The following ITGA8 variants were observed in gnomAD, a reference collection of about 807,000 sequenced individuals.
ITGA8 encodes integrin alpha-8.
A neutral mutation model predicts 142.3 loss-of-function variants in ITGA8; 91 were observed. The ratio of observed to expected loss-of-function variants is 0.64; its 90% CI spans 0.54 to 0.76. ITGA8 has a LOEUF of 0.76. ITGA8 is among the 30% of genes least tolerant of loss of function. The pLI is 0.00. For synonymous variants in ITGA8, 505 were observed against 485.2 expected, an observed-to-expected ratio of 1.04 and a Z score of -0.54; for missense variants, 1,406 against 1,327.7, an observed-to-expected ratio of 1.06 and a Z score of -0.92.
At position 15,687,967 on chromosome 10, in the gene ITGA8, T is replaced by C; in HGVS notation, c.415A>G (p.Thr139Ala). 1 of 1,613,240 alleles carries C rather than the reference T, an allele frequency of 6.2e-7. No individual in the cohort carries two copies. Among genetic ancestry groups the C allele is most frequent in the Non-Finnish European group, 8.5e-7 (1 of 1,179,146 alleles). Residue 139 changes from threonine to alanine, a missense_variant, in exon 3 of 30, where the codon ACA becomes GCA. Coordinates refer to ENST00000378076, the MANE Select transcript of ITGA8 (RefSeq NM_003638.3). ...ACTTTTCCTTTGTGAGCTTTCACTGTTGCTCCAAACCACTGATTGGATTTG... is the reference window on the plus strand; with the variant it reads ...ACTTTTCCTTTGTGAGCTTTCACTGCTGCTCCAAACCACTGATTGGATTTG... ...EFKSNQWFGA[T>A]VKAHKGKVVA...
At chr10:15,522,622 C>T (rs2131532903) in intron 28 of ITGA8, among the ~76,000 whole-genome samples, 1 of 152,294 alleles carries the variant, frequency 6.6e-6, no homozygotes, top group East Asian at 1.9e-4. Context: ...TAGTTTTAGT[C>T]CCTACTTTGA....
At chr10:15,528,204 G>A (rs1234067213) in intron 28 of ITGA8, among the ~76,000 whole-genome samples, 6 of 152,096 alleles carry the variant, frequency 3.9e-5, no homozygotes, top group Admixed American at 3.9e-4. Flanking sequence ...CCAAAGTGCT[G>A]GGATTACAGG....
At chr10:15,538,080 G>A (rs1833484910) in intron 27 of ITGA8, among the ~76,000 whole-genome samples, 1 of 152,150 alleles carries the variant, frequency 6.6e-6, no homozygotes, top group Non-Finnish European at 1.5e-5. Flanking sequence ...GCAATGAGAT[G>A]TGATTGCACC....
intron 5 of ITGA8, among the ~76,000 whole-genome samples, chr10:15,678,287 T>C (rs774224082): frequency 2.0e-5 from 3 of 152,212 alleles, no homozygotes; most frequent in Non-Finnish European, 2.9e-5. Context: ...CCCTCTACAT[T>C]CTTACTGAAC....
chr10:15,575,717 C>G, intron 23 of ITGA8, 123 bp from the exon 24 acceptor site: 1 of 687,432 alleles, frequency 1.5e-6, no homozygotes, highest in Non-Finnish European at 2.6e-6. Context: ...TAGATACTCC[C>G]TACAGGGAAA....
intron 23 of ITGA8, among the ~76,000 whole-genome samples, chr10:15,580,087 A>T (rs1375790524): frequency 6.7e-6 from 1 of 148,576 alleles, no homozygotes; most frequent in African/African-American, 2.4e-5. Context: ...AGATTCTTTG[A>T]AAAGATCACT....
intron 24 of ITGA8, among the ~76,000 whole-genome samples, chr10:15,573,621 C>T (rs964666429): frequency 6.6e-6 from 1 of 152,062 alleles, no homozygotes; most frequent in Non-Finnish European, 1.5e-5. Flanking sequence ...CGTTTGTAAA[C>T]AGTTCATCAC....
intron 11 of ITGA8, among the ~76,000 whole-genome samples, chr10:15,653,201 A>G (rs1459961063): frequency 1.3e-5 from 2 of 152,100 alleles, no homozygotes; most frequent in Non-Finnish European, 2.9e-5. Flanking sequence ...CTCTTAGATC[A>G]CCATGGCTGG....
intron 25 of ITGA8, among the ~76,000 whole-genome samples, chr10:15,569,066 G>A (rs563405012): frequency 2.6e-5 from 4 of 152,258 alleles, no homozygotes; most frequent in East Asian, 1.9e-4. Context: ...GAGAGGTAAC[G>A]AAGAAGAGAG....
Position 15,586,564 on chromosome 10 carries a change from A to G in ITGA8, c.2372+20T>C. 1.4e-6 allele frequency: 2 copies of G among 1,445,400 alleles called. No individual in the cohort carries two copies. Among genetic ancestry groups the G allele is most frequent in the Non-Finnish European group, 1.9e-6 (2 of 1,026,462 alleles). The allele number at this position is 1,445,400 out of a possible 1,614,324, so 89.5% of individuals were successfully genotyped here. On this transcript the variant is annotated intron_variant, in intron 23 of 29. Coordinates refer to ENST00000378076, the MANE Select transcript of ITGA8 (RefSeq NM_003638.3). ...TCTACATACAGAAGGATATTGTACT[A>G]TGCATTGCTTACTACTTACCCTCTT...
chr10:15,613,279 A>G (rs1255493530), intron 15 of ITGA8, among the ~76,000 whole-genome samples: 1 of 152,210 alleles, frequency 6.6e-6, no homozygotes, highest in African/African-American at 2.4e-5. Context: ...GTATTTTGTT[A>G]TATTTTTACC....
chr10:15,626,188 A>G (rs1326784528), intron 13 of ITGA8, among the ~76,000 whole-genome samples: 1 of 152,168 alleles, frequency 6.6e-6, no homozygotes, highest in African/African-American at 2.4e-5. Context: ...ACCTGTCTAT[A>G]AAATCCAGTG....
chr10:15,696,302 T>G (rs1401733176), intron 2 of ITGA8, among the ~76,000 whole-genome samples: 1 of 152,152 alleles, frequency 6.6e-6, no homozygotes, highest in East Asian at 1.9e-4. Flanking sequence ...CTGCATACAA[T>G]GTCAAGTTTT....
chr10:15,548,118 G>A (rs1747677755), intron 27 of ITGA8, among the ~76,000 whole-genome samples: 1 of 139,946 alleles, frequency 7.1e-6, no homozygotes, highest in South Asian at 2.1e-4. Context: ...TTGAGGCAGT[G>A]TCTCACTCTG....
intron 20 of ITGA8, among the ~76,000 whole-genome samples, chr10:15,603,850 A>G (rs1474637114): frequency 6.6e-6 from 1 of 152,158 alleles, no homozygotes; most frequent in East Asian, 1.9e-4. Flanking sequence ...ATGTGCTTGA[A>G]ACTGATAGGA....
chr10:15,623,989 T>A (rs964521413), intron 13 of ITGA8, among the ~76,000 whole-genome samples: 1 of 152,202 alleles, frequency 6.6e-6, no homozygotes, highest in African/African-American at 2.4e-5. Flanking sequence ...TTGAGATTCA[T>A]CCACAATGTT....
chr10:15,672,413 C>T (rs1383729855), intron 7 of ITGA8, among the ~76,000 whole-genome samples: 1 of 152,030 alleles, frequency 6.6e-6, no homozygotes, highest in African/African-American at 2.4e-5. Context: ...TGCTATGGAG[C>T]CAACAAAATA....
At chr10:15,522,167 A>T (rs1833084442) in intron 28 of ITGA8, among the ~76,000 whole-genome samples, 1 of 152,238 alleles carries the variant, frequency 6.6e-6, no homozygotes, top group African/African-American at 2.4e-5. Context: ...TTTGATCACT[A>T]TACGTTATGT....
chr10:15,593,839 ATTTTTTT>A (rs35907545), intron 21 of ITGA8, among the ~76,000 whole-genome samples: 52 of 137,286 alleles, frequency 3.8e-4, no homozygotes, highest in Admixed American at 4.3e-4. Flanking sequence ...CCCAGCAAAG[ATTTTTTT>A]TTTTTTTTTT....
Sources: allele counts gnomAD v4.1 joint callset (sites outside exome capture counted in the v4.1 genomes callset), GRCh38; gene constraint gnomAD v4.1.1; transcripts MANE v1.5; gene names NCBI Gene and HGNC (gene_info 2026-07-23, HGNC 2026-07-21).